GRM5: variants seen among roughly 807,000 people sequenced by gnomAD.
The protein encoded by GRM5 is glutamate metabotropic receptor 5.
GRM5 carries 19 observed loss-of-function variants against 83.1 expected under a neutral mutation model. That is an observed-to-expected ratio of 0.23 (90% CI 0.16 to 0.34). GRM5 has a LOEUF of 0.34. Among genes scored for constraint, GRM5 ranks in the 10% least tolerant of loss-of-function variants. GRM5 has a pLI of 1.00. For synonymous variants in GRM5, 675 were observed against 633.6 expected (o/e 1.07, Z -0.98); for missense variants, 1,160 against 1,588.3 (o/e 0.73, Z 4.58).
At chr11:88,848,749 T>G (rs761228042) in intron 3 of GRM5, among the ~76,000 whole-genome samples, 6 of 152,312 alleles carry the variant, frequency 3.9e-5, no homozygotes, top group Non-Finnish European at 7.4e-5. Context: ...GGGCTATGAG[T>G]GCCCAGACAT....
chr11:88,583,190 G>A (rs551725599), intron 7 of GRM5, among the ~76,000 whole-genome samples: 2 of 151,742 alleles, frequency 1.3e-5, no homozygotes, highest in Non-Finnish European at 2.9e-5. Flanking sequence ...TAAAAAGAGA[G>A]CAATTCCAAT....
chr11:88,905,400 G>C (rs1223410090), intron 2 of GRM5, among the ~76,000 whole-genome samples: 1 of 152,142 alleles, frequency 6.6e-6, no homozygotes, highest in African/African-American at 2.4e-5. Context: ...CTGGAGTGCA[G>C]TGGTGCAATT....
intron 2 of GRM5, among the ~76,000 whole-genome samples, chr11:88,938,774 A>C (rs565360414): frequency 6.6e-6 from 1 of 151,854 alleles, no homozygotes; most frequent in South Asian, 2.1e-4. Context: ...AACGAATATT[A>C]AAATTGGATT....
intron 3 of GRM5, among the ~76,000 whole-genome samples, chr11:88,662,264 T>C (rs1169391736): frequency 2.6e-5 from 4 of 152,062 alleles, no homozygotes; most frequent in Admixed American, 1.3e-4. Context: ...CCATGACAAA[T>C]GTAGAGGGGA....
At chr11:88,770,890 T>C (rs1942722397) in intron 3 of GRM5, among the ~76,000 whole-genome samples, 1 of 152,122 alleles carries the variant, frequency 6.6e-6, no homozygotes, top group Non-Finnish European at 1.5e-5. Flanking sequence ...ATTTGTCACT[T>C]AGCGTCAGAA....
At chr11:88,621,118 C>T (rs1395577234) in intron 4 of GRM5, among the ~76,000 whole-genome samples, 1 of 152,110 alleles carries the variant, frequency 6.6e-6, no homozygotes. Flanking sequence ...AAGAATTCCA[C>T]AGGGACATGA....
intron 7 of GRM5, among the ~76,000 whole-genome samples, chr11:88,573,023 A>T (rs1943036169): frequency 1.3e-5 from 2 of 152,192 alleles, no homozygotes; most frequent in Admixed American, 1.3e-4. Flanking sequence ...TGCAGATGAA[A>T]CATGGATTAG....
intron 3 of GRM5, among the ~76,000 whole-genome samples, chr11:88,712,977 G>A (rs941032627): frequency 6.6e-6 from 1 of 151,890 alleles, no homozygotes; most frequent in Non-Finnish European, 1.5e-5. Context: ...TTTGGTCAAG[G>A]CCTGGGGCTA....
Position 88,509,559 on chromosome 11 carries a change from A to T in GRM5, c.2727-55T>A, listed in dbSNP as rs1383514390. On this transcript the variant is annotated intron_variant, in intron 9 of 9. Coordinates refer to ENST00000305447, the MANE Select transcript of GRM5 (RefSeq NM_001143831.3). ...TCAGCGAGGTGCCCAGGGGGCTTGG[A>T]TGCCGCTTCCCCAATGGTGGTTGCT... is the stretch of plus-strand genomic sequence containing the variant. 4.4e-6 allele frequency: 6 copies of T among 1,360,656 alleles called. No individual in the cohort carries two copies. In the African/African-American group the frequency reaches 7.2e-5, roughly 16 times the overall value. 84.3% of individuals were successfully genotyped at this position (1,360,656 alleles called of 1,614,324 possible).
At chr11:88,918,235 A>T (rs1945628971) in intron 2 of GRM5, among the ~76,000 whole-genome samples, 1 of 151,890 alleles carries the variant, frequency 6.6e-6, no homozygotes, top group Non-Finnish European at 1.5e-5. Context: ...AAACAAAAAA[A>T]TCTTTTATCC....
At chr11:88,640,197 G>T (rs570487606) in intron 4 of GRM5, among the ~76,000 whole-genome samples, 2 of 152,202 alleles carry the variant, frequency 1.3e-5, no homozygotes, top group Non-Finnish European at 1.5e-5. Context: ...AATTAATTTT[G>T]TCTGATATGA....
intron 3 of GRM5, among the ~76,000 whole-genome samples, chr11:88,749,424 T>C (rs1416120043): frequency 6.6e-6 from 1 of 152,102 alleles, no homozygotes; most frequent in East Asian, 1.9e-4. Context: ...ACAAAACCTC[T>C]GAGAAATATG....
intron 3 of GRM5, among the ~76,000 whole-genome samples, chr11:88,690,709 T>G (rs1046367483): frequency 6.6e-6 from 1 of 152,188 alleles, no homozygotes; most frequent in Non-Finnish European, 1.5e-5. Context: ...CACAGACAGA[T>G]AAAAGCTGTT....
At chr11:88,760,432 T>C (rs558272201) in intron 3 of GRM5, among the ~76,000 whole-genome samples, 7 of 152,210 alleles carry the variant, frequency 4.6e-5, no homozygotes, top group Admixed American at 6.6e-5. Flanking sequence ...TGTGAATGCC[T>C]CTATGCACAC....
intron 9 of GRM5, among the ~76,000 whole-genome samples, chr11:88,510,806 G>A (rs1176696749): frequency 6.6e-6 from 1 of 152,218 alleles, no homozygotes; most frequent in Admixed American, 6.5e-5. Context: ...GTGAGCCACT[G>A]CGTCTGGCCA....
At chr11:88,530,922 T>TG (rs534502534) in intron 8 of GRM5, among the ~76,000 whole-genome samples, 39 of 151,964 alleles carry the variant, frequency 2.6e-4, no homozygotes, top group Non-Finnish European at 4.7e-4. Context: ...GTATTAGAAC[T>TG]GGGGGGAAGA....
At chr11:88,639,808 A>G (rs1448885067) in intron 4 of GRM5, among the ~76,000 whole-genome samples, 5 of 152,122 alleles carry the variant, frequency 3.3e-5, no homozygotes, top group African/African-American at 1.2e-4. Flanking sequence ...AATTTTAAGT[A>G]TCTTTAACAT....
chr11:88,583,007 C>A lies in GRM5; in HGVS notation c.1690+7594G>T, dbSNP rs144718912. ...TTTCATTCAACTGTAGAATAATAATCTCAACCTTAAAGGATTAAAAAAGGT... is the reference window on the plus strand; with the variant it reads ...TTTCATTCAACTGTAGAATAATAATATCAACCTTAAAGGATTAAAAAAGGT... On this transcript the variant is annotated intron_variant, in intron 7 of 9. Coordinates refer to ENST00000305447, the MANE Select transcript of GRM5 (RefSeq NM_001143831.3). 7.3e-3 allele frequency among the ~76,000 whole-genome samples: 1,110 copies of A among 151,868 alleles called. 11 individuals are homozygous for A. The highest frequency in any genetic ancestry group is 0.026 in the African/African-American group (1,072 of 41,380).
At chr11:89,050,219 TTAAC>T (rs1325799364) in intron 1 of GRM5, among the ~76,000 whole-genome samples, 3 of 152,194 alleles carry the variant, frequency 2.0e-5, no homozygotes, top group Non-Finnish European at 4.4e-5. Context: ...CAAAAAATTA[TTAAC>T]TATTCAGTGA....
Sources: gnomAD v4.1 joint callset for allele counts (sites outside exome capture counted in the v4.1 genomes callset) on GRCh38, gnomAD v4.1.1 for gene constraint, MANE v1.5 for transcripts, NCBI Gene and HGNC (gene_info 2026-07-23, HGNC 2026-07-21) for gene names.